DACH1: variants seen among roughly 807,000 people sequenced by gnomAD.
DACH1 encodes the protein dachshund family transcription factor 1, also known as dachshund homolog 1.
In DACH1, 12 loss-of-function variants were observed where a neutral mutation model predicts 54.2. The observed-to-expected ratio is 0.22, with a 90% CI of 0.14 to 0.36. The LOEUF (loss-of-function observed/expected upper bound fraction) is 0.36. Among genes scored for constraint, DACH1 ranks in the 10% least tolerant of loss-of-function variants. The pLI is 1.00. For synonymous variants in DACH1, 386 were observed against 366.2 expected, an observed-to-expected ratio of 1.05 and a Z score of -0.62; for missense variants, 805 against 929.8, an observed-to-expected ratio of 0.87 and a Z score of 1.75.
chr13:71,723,113 G>A (rs185194839), intron 1 of DACH1, among the ~76,000 whole-genome samples: 8 of 151,938 alleles, frequency 5.3e-5, no homozygotes, highest in Non-Finnish European at 2.9e-5. Flanking sequence ...CTATTAAAAT[G>A]TGTCTAGGTC....
At chr13:71,517,658 A>G (rs1881264031) in intron 6 of DACH1, among the ~76,000 whole-genome samples, 2 of 151,944 alleles carry the variant, frequency 1.3e-5, no homozygotes, top group South Asian at 4.1e-4. Context: ...AAAGGAAGTC[A>G]TAAGAAGTAG....
intron 2 of DACH1, among the ~76,000 whole-genome samples, chr13:71,675,917 A>G (rs1880538476): frequency 6.6e-6 from 1 of 152,160 alleles, no homozygotes; most frequent in African/African-American, 2.4e-5. Context: ...GTTGTACTAC[A>G]TGCAAGTACA....
chr13:71,771,351 A>C (rs483737), intron 1 of DACH1, among the ~76,000 whole-genome samples: 4,197 of 148,708 alleles, frequency 0.028, 110 homozygotes, highest in African/African-American at 0.069. Flanking sequence ...ATAAATAAAT[A>C]AATAAATCTT....
intron 1 of DACH1, among the ~76,000 whole-genome samples, chr13:71,753,134 A>G (rs1277743530): frequency 6.6e-6 from 1 of 152,194 alleles, no homozygotes; most frequent in East Asian, 1.9e-4. Context: ...CACTGCAAAT[A>G]TTGTAGTGAC....
At chr13:71,795,341 C>T (rs1353515539) in intron 1 of DACH1, among the ~76,000 whole-genome samples, 2 of 152,176 alleles carry the variant, frequency 1.3e-5, no homozygotes, top group Admixed American at 6.5e-5. Context: ...AATTCACCTA[C>T]AGAACTTCTT....
At chr13:71,808,445 C>T (rs1323692266) in intron 1 of DACH1, among the ~76,000 whole-genome samples, 1 of 152,018 alleles carries the variant, frequency 6.6e-6, no homozygotes, top group Non-Finnish European at 1.5e-5. Flanking sequence ...AACAAATTTT[C>T]TAGTAGTTTG....
intron 6 of DACH1, among the ~76,000 whole-genome samples, chr13:71,551,282 C>T (rs1381510036): frequency 6.6e-6 from 1 of 151,904 alleles, no homozygotes; most frequent in Non-Finnish European, 1.5e-5. Flanking sequence ...TATCCATCAC[C>T]CTAAATATTT....
intron 6 of DACH1, among the ~76,000 whole-genome samples, chr13:71,509,714 C>A (rs1274279643): frequency 6.6e-6 from 1 of 152,060 alleles, no homozygotes; most frequent in African/African-American, 2.4e-5. Flanking sequence ...ATTTCTCCTG[C>A]AATTGTACCT....
chr13:71,627,198 G>T (rs1273205767), intron 3 of DACH1, among the ~76,000 whole-genome samples: 1 of 151,820 alleles, frequency 6.6e-6, no homozygotes, highest in Non-Finnish European at 1.5e-5. Context: ...TTCCTATTAT[G>T]AACCGGGAAG....
At chr13:71,682,647 T>C (rs1452428387) in intron 1 of DACH1, among the ~76,000 whole-genome samples, 1 of 152,194 alleles carries the variant, frequency 6.6e-6, no homozygotes, top group East Asian at 1.9e-4. Context: ...TACTAAAATA[T>C]ACTTGAAAGG....
chr13:71,750,789 C>G (rs1298297974), intron 1 of DACH1, among the ~76,000 whole-genome samples: 1 of 152,008 alleles, frequency 6.6e-6, no homozygotes, highest in African/African-American at 2.4e-5. Flanking sequence ...AATAAGAAAA[C>G]AGCAATATGT....
At chr13:71,706,487 T>C (rs367936920) in intron 1 of DACH1, among the ~76,000 whole-genome samples, 5 of 152,130 alleles carry the variant, frequency 3.3e-5, no homozygotes, top group East Asian at 1.9e-4. Flanking sequence ...TTGCTATTTA[T>C]TTTTAATTAT....
intron 10 of DACH1, among the ~76,000 whole-genome samples, chr13:71,457,862 T>C (rs1875720359): frequency 6.6e-6 from 1 of 151,966 alleles, no homozygotes. Context: ...TCATATCTCC[T>C]GAGGTGCTTA....
chr13:71,651,476 C>T (rs1878661698), intron 2 of DACH1, among the ~76,000 whole-genome samples: 1 of 151,980 alleles, frequency 6.6e-6, no homozygotes, highest in Admixed American at 6.6e-5. Flanking sequence ...GTCTGGACAA[C>T]ATGGCAAAAT....
At chr13:71,512,810 C>T (rs1025389011) in intron 6 of DACH1, among the ~76,000 whole-genome samples, 3 of 151,748 alleles carry the variant, frequency 2.0e-5, no homozygotes, top group African/African-American at 7.3e-5. Context: ...TTTGTTGTTT[C>T]ACTTATAAAA....
intron 1 of DACH1, among the ~76,000 whole-genome samples, chr13:71,801,127 CCCTAAATT>C: frequency 6.6e-6 from 1 of 152,210 alleles, no homozygotes; most frequent in East Asian, 1.9e-4. Flanking sequence ...AGTCCTCCAT[CCCTAAATT>C]CCTAAGGCTG....
chr13:71,478,321 G>A lies in DACH1; in HGVS notation c.1870+848C>T, dbSNP rs139002821. 2.3e-3 allele frequency among the ~76,000 whole-genome samples: 346 copies of A among 152,192 alleles called. 3 individuals carry two copies. Among genetic ancestry groups the A allele is most frequent in the African/African-American group, 7.9e-3 (330 of 41,528 alleles). On this transcript the variant is annotated intron_variant, in intron 8 of 10. Transcript: ENST00000613252. ...CCAGGAATACACTAACTGTTGCTTC[G>A]TAATAGCTAATAAAACAACCTGGTA...
intron 1 of DACH1, among the ~76,000 whole-genome samples, chr13:71,792,422 G>C (rs1406670210): frequency 6.6e-6 from 1 of 152,002 alleles, no homozygotes; most frequent in East Asian, 1.9e-4. Context: ...TTATCAATCA[G>C]CCTTTACATT....
chr13:71,510,541 T>A (rs537721526), intron 6 of DACH1, among the ~76,000 whole-genome samples: 1 of 152,082 alleles, frequency 6.6e-6, no homozygotes, highest in Non-Finnish European at 1.5e-5. Context: ...TTCTAGTTCA[T>A]AGAGTTACAA....
Sources: allele counts gnomAD v4.1 joint callset (sites outside exome capture counted in the v4.1 genomes callset), GRCh38; gene constraint gnomAD v4.1.1; transcripts MANE v1.5; gene names NCBI Gene and HGNC (gene_info 2026-07-23, HGNC 2026-07-21).